The following DLGAP2 variants were observed in gnomAD, a reference collection of about 807,000 sequenced individuals.
DLGAP2 encodes DLG associated protein 2, also known as disks large-associated protein 2.
In DLGAP2, 26 loss-of-function variants were observed where a neutral mutation model predicts 100.3. That is an observed-to-expected ratio of 0.26 (90% CI 0.19 to 0.36). DLGAP2 has a LOEUF of 0.36. Among genes scored for constraint, DLGAP2 ranks in the 10% least tolerant of loss-of-function variants. DLGAP2 has a pLI of 1.00. For synonymous variants in DLGAP2, 886 were observed against 630.1 expected, an observed-to-expected ratio of 1.41 and a Z score of -6.08; for missense variants, 1,858 against 1,453.2, an observed-to-expected ratio of 1.28 and a Z score of -4.53.
At chr8:1,351,398 G>C in intron 3 of DLGAP2, among the ~76,000 whole-genome samples, 1 of 42,764 alleles carries the variant, frequency 2.3e-5, no homozygotes, top group Non-Finnish European at 4.9e-5. Flanking sequence ...TCCTGAGTGT[G>C]TGTGGATAGG....
chr8:771,556 G>C (rs576149211), intron 1 of DLGAP2, among the ~76,000 whole-genome samples: 1 of 152,170 alleles, frequency 6.6e-6, no homozygotes, highest in Non-Finnish European at 1.5e-5. Flanking sequence ...GATTGCCAGG[G>C]CAACTTTCAG....
chr8:1,571,170 A>AGG (rs529760173), intron 6 of DLGAP2, among the ~76,000 whole-genome samples: 1 of 63,244 alleles, frequency 1.6e-5, no homozygotes, highest in African/African-American at 8.1e-5. Flanking sequence ...GAGAGGAGAG[A>AGG]GGGTGAACTG....
intron 8 of DLGAP2, among the ~76,000 whole-genome samples, chr8:1,666,292 G>A (rs1053081364): frequency 6.6e-6 from 1 of 152,202 alleles, no homozygotes; most frequent in Non-Finnish European, 1.5e-5. Flanking sequence ...GAGAAGCTCA[G>A]CACCCGATTG....
chr8:1,336,485 G>T (rs373300115), intron 3 of DLGAP2, among the ~76,000 whole-genome samples: 1 of 152,182 alleles, frequency 6.6e-6, no homozygotes, highest in Non-Finnish European at 1.5e-5. Context: ...TTATGAGGAC[G>T]TTCCAGTGTG....
chr8:1,341,906 T>C (rs894779887), intron 3 of DLGAP2, among the ~76,000 whole-genome samples: 4 of 151,998 alleles, frequency 2.6e-5, no homozygotes, highest in African/African-American at 9.7e-5. Flanking sequence ...GGTGAAGCAA[T>C]TGAGGTCTGA....
intron 7 of DLGAP2, among the ~76,000 whole-genome samples, chr8:1,628,967 C>G (rs1797578336): frequency 6.6e-6 from 1 of 152,238 alleles, no homozygotes; most frequent in Non-Finnish European, 1.5e-5. Flanking sequence ...CCAGCATATA[C>G]TGAGCACTCA....
In DLGAP2 at chr8:1,391,511, C is replaced by A. The variant is rs77817164; in HGVS notation, c.107-109855C>A. ...AAATGATAATAGCTGGGGTTTTGGC[C>A]CCACGTAATGAGAGTAAGATTGGTG... is the stretch of plus-strand genomic sequence containing the variant. On this transcript the variant is annotated intron_variant, in intron 3 of 14. Transcript: ENST00000637795. 3.5e-3 allele frequency among the ~76,000 whole-genome samples: 530 copies of A among 152,170 alleles called. 10 individuals are homozygous for A. The East Asian group carries it at 0.051, about 15-fold the overall frequency.
chr8:1,572,735 ACT>A (rs1329750562), intron 6 of DLGAP2, among the ~76,000 whole-genome samples: 1 of 92,144 alleles, frequency 1.1e-5, no homozygotes, highest in Admixed American at 1.1e-4. Context: ...GAGAGGGTGA[ACT>A]GTGGGGGCGT....
intron 1 of DLGAP2, among the ~76,000 whole-genome samples, chr8:901,341 C>T (rs890208137): frequency 1.3e-5 from 2 of 152,218 alleles, no homozygotes; most frequent in African/African-American, 2.4e-5. Context: ...TCCTCCACTG[C>T]ACAAATCCAT....
intron 1 of DLGAP2, among the ~76,000 whole-genome samples, chr8:886,826 GAGA>G (rs1434941456): frequency 3.3e-5 from 5 of 152,226 alleles, no homozygotes; most frequent in Non-Finnish European, 5.9e-5. Flanking sequence ...ATGTGGCACT[GAGA>G]AGAATGTATA....
rs71497199 is a variant in DLGAP2 at position 1,449,926 on chromosome 8, G to C, written c.107-51440G>C. 1.6e-3 allele frequency among the ~76,000 whole-genome samples: 184 copies of C among 117,134 alleles called. 3 individuals are homozygous for C. Among genetic ancestry groups the C allele is most frequent in the Non-Finnish European group, 2.2e-3 (119 of 54,422 alleles). 76.8% of individuals were successfully genotyped at this position (117,134 alleles called of 152,430 possible). A position where few individuals can be genotyped will look rare whatever the true frequency, so the allele number is the denominator to read the frequency against. On this transcript the variant is annotated intron_variant, in intron 3 of 14. Coordinates refer to ENST00000637795, the MANE Select transcript of DLGAP2 (RefSeq NM_001346810.2). ...GGGTGAAGACGAGGTGGGCGGCCTCGGTGGCTGAGGCGGAGCTGTGAGGGT... is the reference window on the plus strand; with the variant it reads ...GGGTGAAGACGAGGTGGGCGGCCTCCGTGGCTGAGGCGGAGCTGTGAGGGT...
intron 1 of DLGAP2, among the ~76,000 whole-genome samples, chr8:816,914 G>A (rs1353202405): frequency 6.6e-6 from 1 of 152,188 alleles, no homozygotes; most frequent in Non-Finnish European, 1.5e-5. Context: ...TTCATATTGA[G>A]TGGATCACAA....
At chr8:1,095,276 CAG>C (rs1349910804) in intron 2 of DLGAP2, among the ~76,000 whole-genome samples, 1 of 152,184 alleles carries the variant, frequency 6.6e-6, no homozygotes, top group Non-Finnish European at 1.5e-5. Flanking sequence ...TGGGAAAGAA[CAG>C]AGAGATGGGT....
At chr8:1,078,389 G>A (rs1434753358) in intron 2 of DLGAP2, among the ~76,000 whole-genome samples, 1 of 152,170 alleles carries the variant, frequency 6.6e-6, no homozygotes, top group Non-Finnish European at 1.5e-5. Flanking sequence ...TTACCGTTGA[G>A]GAACCAGTAT....
At chr8:1,200,958 G>A (rs78935208) in intron 2 of DLGAP2, among the ~76,000 whole-genome samples, 21 of 152,314 alleles carry the variant, frequency 1.4e-4, no homozygotes, top group African/African-American at 5.1e-4. Flanking sequence ...GTGCACGGCG[G>A]GGCGCTGCGC....
intron 3 of DLGAP2, among the ~76,000 whole-genome samples, chr8:1,468,061 C>T (rs1416725305): frequency 2.0e-5 from 3 of 152,212 alleles, no homozygotes; most frequent in African/African-American, 7.2e-5. Flanking sequence ...GCATCTTGAC[C>T]CCTGTACAGA....
chr8:971,150 C>T (rs891876244), intron 2 of DLGAP2, among the ~76,000 whole-genome samples: 3 of 152,126 alleles, frequency 2.0e-5, no homozygotes, highest in Non-Finnish European at 2.9e-5. Flanking sequence ...AGGACACCAT[C>T]CGGAAACTGA....
intron 2 of DLGAP2, among the ~76,000 whole-genome samples, chr8:1,126,988 T>C (rs1796179991): frequency 6.6e-6 from 1 of 151,030 alleles, no homozygotes; most frequent in Non-Finnish European, 1.5e-5. Flanking sequence ...GTCCTTCTGC[T>C]TGTGTTCCTG....
At position 1,615,719 on chromosome 8, in the gene DLGAP2, T is replaced by C. The variant is rs537117936; in HGVS notation, c.1443-11021T>C. ...AACAGCCATTGTAAGGTCTTATGAA[T>C]GATATAAAAATGTTAGAACTCACCG... On this transcript the variant is annotated intron_variant, in intron 6 of 14. Coordinates refer to ENST00000637795, the MANE Select transcript of DLGAP2 (RefSeq NM_001346810.2). Among the ~76,000 whole-genome samples the C allele has an allele frequency of 4.0e-5, 6 of 151,738 alleles. No individual in the cohort carries two copies. In the South Asian group the frequency reaches 6.2e-4, roughly 16 times the overall value.
Sources: gnomAD v4.1 joint callset for allele counts (sites outside exome capture counted in the v4.1 genomes callset) on GRCh38, gnomAD v4.1.1 for gene constraint, MANE v1.5 for transcripts, NCBI Gene and HGNC (gene_info 2026-07-23, HGNC 2026-07-21) for gene names.